Variants in CDH12 observed in about 807,000 individuals in gnomAD.
The protein encoded by CDH12 is cadherin 12.
CDH12 carries 41 observed loss-of-function variants against 74.1 expected under a neutral mutation model. The ratio of observed to expected loss-of-function variants is 0.55; its 90% CI spans 0.43 to 0.72. CDH12 has a LOEUF of 0.72. Among genes scored for constraint, CDH12 ranks in the 30% least tolerant of loss-of-function variants. CDH12 has a pLI of 0.00. For missense variants in CDH12, 945 were observed against 977.2 expected, an observed-to-expected ratio of 0.97 and a Z score of 0.44; for synonymous variants, 399 against 355.0, an observed-to-expected ratio of 1.12 and a Z score of -1.39.
intron 2 of CDH12, among the ~76,000 whole-genome samples, chr5:22,411,072 A>G (rs1743150895): frequency 2.6e-5 from 4 of 152,078 alleles, no homozygotes; most frequent in Admixed American, 1.3e-4. Flanking sequence ...CTCTGATTGT[A>G]AAGTATGTAG....
At chr5:21,820,830 C>T (rs1370444936) in intron 8 of CDH12, among the ~76,000 whole-genome samples, 2 of 151,954 alleles carry the variant, frequency 1.3e-5, no homozygotes, top group Admixed American at 6.6e-5. Flanking sequence ...TGTGTAATTA[C>T]ACCGCCACCG....
At chr5:22,678,016 A>G (rs11954983) in intron 1 of CDH12, among the ~76,000 whole-genome samples, 99,633 of 146,780 alleles carry the variant, frequency 0.68, 34,029 homozygotes, top group Admixed American at 0.73. Flanking sequence ...CCTAAATACC[A>G]GAAGGCTCAC....
At chr5:21,787,045 A>G (rs1239465341) in intron 10 of CDH12, among the ~76,000 whole-genome samples, 2 of 152,180 alleles carry the variant, frequency 1.3e-5, no homozygotes, top group East Asian at 3.9e-4. Flanking sequence ...GTTTCTTGAG[A>G]TGAAATCTAC....
At chr5:22,665,817 T>C (rs1175216291) in intron 1 of CDH12, among the ~76,000 whole-genome samples, 2 of 152,218 alleles carry the variant, frequency 1.3e-5, no homozygotes, top group African/African-American at 4.8e-5. Flanking sequence ...CCAACAGTGC[T>C]ATCTTTCAGA....
At chr5:22,235,749 G>T (rs1234761506) in intron 3 of CDH12, among the ~76,000 whole-genome samples, 1 of 152,120 alleles carries the variant, frequency 6.6e-6, no homozygotes, top group Non-Finnish European at 1.5e-5. Context: ...ATATAAAAGA[G>T]TAGCAGAAAG....
intron 3 of CDH12, among the ~76,000 whole-genome samples, chr5:22,236,697 G>A (rs1041998711): frequency 6.6e-6 from 1 of 152,132 alleles, no homozygotes; most frequent in Admixed American, 6.5e-5. Context: ...CAGTGAGCGA[G>A]ATGGTGCCAC....
intron 2 of CDH12, among the ~76,000 whole-genome samples, chr5:22,410,555 C>T (rs1355727690): frequency 2.0e-5 from 3 of 152,024 alleles, no homozygotes; most frequent in East Asian, 1.9e-4. Flanking sequence ...TTTGTTGATC[C>T]TAAGTATAAA....
At chr5:21,959,985 C>T (rs1756283409) in intron 6 of CDH12, among the ~76,000 whole-genome samples, 1 of 143,324 alleles carries the variant, frequency 7.0e-6, no homozygotes, top group South Asian at 2.3e-4. Context: ...TTTTACTCAA[C>T]AAGAAGACCT....
In CDH12 at chr5:21,974,670, G is replaced by A. The variant is rs539781576; in HGVS notation, c.526+421C>T. 1.1e-3 allele frequency among the ~76,000 whole-genome samples: 173 copies of A among 152,228 alleles called. 1 individual carries two copies. Among genetic ancestry groups the A allele is most frequent in the African/African-American group, 3.9e-3 (162 of 41,544 alleles). On this transcript the variant is annotated intron_variant, in intron 6 of 14. Transcript: ENST00000382254. ...AAAAGATGCATCACACCTGTTTCCG[G>A]ACCACTTCCAGATCAGATGTGACAC...
intron 3 of CDH12, among the ~76,000 whole-genome samples, chr5:22,268,438 G>A (rs1054249383): frequency 1.3e-5 from 2 of 151,940 alleles, no homozygotes; most frequent in African/African-American, 2.4e-5. Flanking sequence ...AAAAGAGAAT[G>A]CCCAACTCTA....
intron 9 of CDH12, among the ~76,000 whole-genome samples, chr5:21,811,893 A>C (rs182403571): frequency 6.6e-6 from 1 of 151,118 alleles, no homozygotes; most frequent in African/African-American, 2.5e-5. Context: ...TCACAGTGAA[A>C]TGGCATTCTG....
intron 4 of CDH12, among the ~76,000 whole-genome samples, chr5:22,147,578 G>A (rs1747277755): frequency 6.9e-6 from 1 of 145,730 alleles, no homozygotes; most frequent in African/African-American, 2.6e-5. Flanking sequence ...CTGAGACTGG[G>A]TAGTTTATCT....
intron 5 of CDH12, among the ~76,000 whole-genome samples, chr5:22,031,359 AAG>A (rs933645542): frequency 6.6e-6 from 1 of 152,066 alleles, no homozygotes; most frequent in African/African-American, 2.4e-5. Flanking sequence ...ATAAAATAAA[AAG>A]AGAGAGAATG....
chr5:22,425,181 A>G (rs1285940456), intron 2 of CDH12, among the ~76,000 whole-genome samples: 1 of 146,388 alleles, frequency 6.8e-6, no homozygotes, highest in Non-Finnish European at 1.5e-5. Flanking sequence ...AAATATATAT[A>G]TATATATACT....
At chr5:22,548,912 T>C (rs1331095044) in intron 1 of CDH12, among the ~76,000 whole-genome samples, 1 of 151,986 alleles carries the variant, frequency 6.6e-6, no homozygotes, top group Non-Finnish European at 1.5e-5. Flanking sequence ...TCAAAACCAT[T>C]TGACCACCAA....
chr5:21,980,968 A>C (rs1757279538), intron 5 of CDH12, among the ~76,000 whole-genome samples: 1 of 152,174 alleles, frequency 6.6e-6, no homozygotes, highest in South Asian at 2.1e-4. Flanking sequence ...GGAATCGAAG[A>C]GTTTATAATC....
chr5:21,986,891 T>A (rs1757540323), intron 5 of CDH12, among the ~76,000 whole-genome samples: 1 of 152,076 alleles, frequency 6.6e-6, no homozygotes, highest in African/African-American at 2.4e-5. Flanking sequence ...TAATTTTGAC[T>A]AACCACTGAT....
chr5:22,310,837 A>G (rs992240374), intron 3 of CDH12, among the ~76,000 whole-genome samples: 1 of 152,180 alleles, frequency 6.6e-6, no homozygotes, highest in Admixed American at 6.5e-5. Flanking sequence ...TGCTGTCCTG[A>G]TATTTTATGA....
At chr5:22,052,207 G>C (rs1740421459) in intron 5 of CDH12, among the ~76,000 whole-genome samples, 1 of 152,016 alleles carries the variant, frequency 6.6e-6, no homozygotes, top group Non-Finnish European at 1.5e-5. Context: ...ATTTTTCTTT[G>C]ATTTTTTTTC....
Sources: allele counts gnomAD v4.1 joint callset (sites outside exome capture counted in the v4.1 genomes callset), GRCh38; gene constraint gnomAD v4.1.1; transcripts MANE v1.5; gene names NCBI Gene and HGNC (gene_info 2026-07-23, HGNC 2026-07-21).